Variants in INSL6 observed in about 807,000 individuals in gnomAD.
The protein encoded by INSL6 is insulin-like peptide INSL6.
INSL6 carries 16 observed loss-of-function variants against 9.4 expected under a neutral mutation model. That is an observed-to-expected ratio of 1.70 (90% CI 1.15 to 2.59). The LOEUF (loss-of-function observed/expected upper bound fraction) is 2.59, where lower values mean the gene tolerates loss of function less well. INSL6 is among the 30% of genes most tolerant of loss of function. INSL6 has a pLI of 0.00. For synonymous variants in INSL6, 154 were observed against 96.9 expected (o/e 1.59, Z -3.46); for missense variants, 391 against 257.3 (o/e 1.52, Z -3.56).
chr9:5,180,987 G>C (rs1015710906), intron 1 of INSL6, among the ~76,000 whole-genome samples: 1 of 152,148 alleles, frequency 6.6e-6, no homozygotes, highest in Non-Finnish European at 1.5e-5. Flanking sequence ...GCCAGCATTA[G>C]AGTCCTACTG....
chr9:5,040,699 G>T, the INSL6 span, among the ~76,000 whole-genome samples: 1 of 152,258 alleles, frequency 6.6e-6, no homozygotes, highest in Admixed American at 6.5e-5. Context: ...TGGCCAAAAA[G>T]CATGTAAAAA....
At chr9:5,166,671 C>CAA (rs1825059201) in intron 1 of INSL6, among the ~76,000 whole-genome samples, 1 of 152,082 alleles carries the variant, frequency 6.6e-6, no homozygotes, top group Non-Finnish European at 1.5e-5. Context: ...AAAGGGTAGT[C>CAA]AGAGTTATCA....
downstream of INSL6, among the ~76,000 whole-genome samples, chr9:5,120,090 G>C (rs1823498698): frequency 1.3e-5 from 2 of 152,328 alleles, no homozygotes; most frequent in African/African-American, 4.8e-5. Flanking sequence ...CATGAAAAAA[G>C]TGCTGGCAGG....
chr9:5,111,459 C>T, the INSL6 span: 5 of 385,554 alleles, frequency 1.3e-5, no homozygotes, highest in African/African-American at 2.1e-5. Flanking sequence ...CCATCCTCGG[C>T]GTACCTGCCC....
At chr9:5,043,149 G>T in the INSL6 span, among the ~76,000 whole-genome samples, 1 of 152,236 alleles carries the variant, frequency 6.6e-6, no homozygotes, top group African/African-American at 2.4e-5. Flanking sequence ...ATGTGCAGGG[G>T]GGTCTGCGGG....
At chr9:5,164,940 G>T (rs909066857) in intron 1 of INSL6, among the ~76,000 whole-genome samples, 8 of 152,222 alleles carry the variant, frequency 5.3e-5, no homozygotes, top group Non-Finnish European at 1.0e-4. Flanking sequence ...CAGCATAGTG[G>T]CTCACGCCTG....
intron 1 of INSL6, among the ~76,000 whole-genome samples, chr9:5,174,691 C>G (rs1379182247): frequency 2.6e-5 from 4 of 152,184 alleles, no homozygotes; most frequent in Admixed American, 6.5e-5. Context: ...GAACTTCTAT[C>G]TGCAAACAAG....
At chr9:5,006,872 A>G in the INSL6 span, among the ~76,000 whole-genome samples, 2 of 152,208 alleles carry the variant, frequency 1.3e-5, no homozygotes, top group African/African-American at 2.4e-5. Context: ...TTCTTGTGCT[A>G]GTTTAGGTAA....
chr9:5,027,433 GA>G, the INSL6 span, among the ~76,000 whole-genome samples: 6 of 152,172 alleles, frequency 3.9e-5, no homozygotes, highest in Admixed American at 1.3e-4. Context: ...AGCCTTCAGT[GA>G]GTCATAATCT....
intron 2 of INSL6, among the ~76,000 whole-genome samples, chr9:5,137,054 T>A (rs1824399648): frequency 6.6e-6 from 1 of 152,032 alleles, no homozygotes; most frequent in South Asian, 2.1e-4. Context: ...GGAATCCAAC[T>A]TACAAGGGAT....
At chr9:5,109,679 C>T in the INSL6 span, 1 of 152,160 alleles carries the variant, frequency 6.6e-6, no homozygotes, top group African/African-American at 2.4e-5. Flanking sequence ...TTATCTCAAA[C>T]TGACATTGAA....
At chr9:5,170,560 T>TC (rs1011668997) in intron 1 of INSL6, among the ~76,000 whole-genome samples, 2 of 150,858 alleles carry the variant, frequency 1.3e-5, no homozygotes, top group African/African-American at 4.9e-5. Flanking sequence ...CAGGGGCTTT[T>TC]TTTTTTTTTG....
At chr9:5,137,948 A>C (rs1159303705) in intron 2 of INSL6, among the ~76,000 whole-genome samples, 1 of 143,800 alleles carries the variant, frequency 7.0e-6, no homozygotes, top group East Asian at 2.0e-4. Flanking sequence ...TCTCAAAAGA[A>C]GACATTTATG....
At chr9:5,035,680 A>T in the INSL6 span, among the ~76,000 whole-genome samples, 1 of 152,218 alleles carries the variant, frequency 6.6e-6, no homozygotes, top group Non-Finnish European at 1.5e-5. Context: ...AAATTCAACA[A>T]CCCTTCATGC....
chr9:5,143,300 C>A (rs923381625), intron 2 of INSL6, among the ~76,000 whole-genome samples: 1 of 151,406 alleles, frequency 6.6e-6, no homozygotes, highest in African/African-American at 2.4e-5. Flanking sequence ...TCGTATAATT[C>A]AGCTGTGAAT....
At chr9:5,060,948 C>T in the INSL6 span, among the ~76,000 whole-genome samples, 1 of 152,214 alleles carries the variant, frequency 6.6e-6, no homozygotes, top group Non-Finnish European at 1.5e-5. Flanking sequence ...GTCACCAGGT[C>T]TGAAAATAAC....
chr9:5,044,112 A>G, the INSL6 span, among the ~76,000 whole-genome samples: 1 of 152,214 alleles, frequency 6.6e-6, no homozygotes, highest in African/African-American at 2.4e-5. Flanking sequence ...GGATTAAGCT[A>G]TGTTTTTAAC....
chr9:5,057,164 A>G, the INSL6 span, among the ~76,000 whole-genome samples: 1 of 152,120 alleles, frequency 6.6e-6, no homozygotes, highest in Non-Finnish European at 1.5e-5. Context: ...ATATTGATAC[A>G]TCATGTTTCT....
At chr9:5,033,588 A>G in the INSL6 span, among the ~76,000 whole-genome samples, 2 of 152,252 alleles carry the variant, frequency 1.3e-5, no homozygotes, top group African/African-American at 2.4e-5. Flanking sequence ...CCAATATTCA[A>G]CATTCTTAAA....
Sources: allele counts gnomAD v4.1 joint callset (sites outside exome capture counted in the v4.1 genomes callset), GRCh38; gene constraint gnomAD v4.1.1; transcripts MANE v1.5; gene names NCBI Gene and HGNC (gene_info 2026-07-23, HGNC 2026-07-21).